Variants in AXIN2 observed in about 807,000 individuals in gnomAD.
AXIN2 encodes axin 2, also known as axin-2.
AXIN2 carries 21 observed loss-of-function variants against 74.7 expected under a neutral mutation model. That is an observed-to-expected ratio of 0.28 (90% confidence interval 0.20 to 0.40). The LOEUF (loss-of-function observed/expected upper bound fraction) is 0.40. AXIN2 is among the 10% of genes least tolerant of loss of function. The pLI is 1.00. For missense variants in AXIN2, 1,144 were observed against 1,111.1 expected (o/e 1.03, Z -0.42); for synonymous variants, 532 against 454.9 (o/e 1.17, Z -2.16).
Position 65,530,008 on chromosome 17 carries a change from G to T in AXIN2, c.2500C>A (p.Arg834=), listed in dbSNP as rs878854728. The T allele has an allele frequency of 6.2e-7, 1 of 1,614,128 alleles. No homozygotes were observed. Among genetic ancestry groups the T allele is most frequent in the Non-Finnish European group, 8.5e-7 (1 of 1,180,034 alleles). Residue 834 remains arginine, a synonymous_variant, in exon 11 of 11, where the codon CGG becomes AGG. Transcript: ENST00000307078. Reference sequence around the variant, plus strand: ...ATCCGCTCCACTTTGCCCAGAATCCGGCCTTCATACATCGGGAGCACCGTC... The same window carrying T: ...ATCCGCTCCACTTTGCCCAGAATCCTGCCTTCATACATCGGGAGCACCGTC... ...DETVLPMYEG[R]ILGKVERID is the part of the protein sequence containing the mutation.
chr17:65,542,009 A>G (rs941747222), intron 3 of AXIN2, among the ~76,000 whole-genome samples: 14 of 152,234 alleles, frequency 9.2e-5, no homozygotes, highest in Admixed American at 3.9e-4. Flanking sequence ...AGTTGTAGGG[A>G]TAAGAACCAA....
chr17:65,552,130 A>G (rs2044202517), intron 2 of AXIN2, among the ~76,000 whole-genome samples: 1 of 152,176 alleles, frequency 6.6e-6, no homozygotes, highest in Non-Finnish European at 1.5e-5. Context: ...CCCAACACCA[A>G]GGGCAGAGAG....
rs756419208 is a variant in AXIN2, at chr17:65,536,454, G to A, written c.2007C>T (p.His669=). The change falls in exon 8 of 11, where the codon CAC becomes CAT. Residue 669 remains histidine, a synonymous_variant. Transcript: ENST00000307078. ...RHHLWGGNSG[H]PRTTPRAHLF... ...GGTGGGCACGGGGGGTGGTGCGGGG[G>A]TGCCCGCTGTTGCCCCCCCACAGAT... is the stretch of plus-strand genomic sequence containing the variant. The A allele has an allele frequency of 1.2e-6, 2 of 1,613,682 alleles. No individual in the cohort carries two copies. The highest frequency in any genetic ancestry group is 4.5e-5 in the East Asian group (2 of 44,870).
At chr17:65,534,796 G>A (rs2043880339) in intron 9 of AXIN2, among the ~76,000 whole-genome samples, 1 of 152,150 alleles carries the variant, frequency 6.6e-6, no homozygotes, top group South Asian at 2.1e-4. Context: ...TGGGTGTGGT[G>A]GTGGGCGCCT....
At position 65,558,455 on chromosome 17, in the gene AXIN2, T is replaced by G. The variant is rs1431601772; in HGVS notation, c.166A>C (p.Arg56=). The change falls in exon 2 of 11, where the codon AGG becomes CGG. Residue 56 remains arginine, a synonymous_variant. Coordinates refer to ENST00000307078, the MANE Select transcript of AXIN2 (RefSeq NM_004655.4). ...TKPMPVSSNT[R]RNEDGLGEPE... ...TCCCCCAACCCATCTTCGTTCCGCC[T>G]GGTGTTGGAAGAGACAGGCATGGGT... is the stretch of plus-strand genomic sequence containing the variant. 1.2e-6 allele frequency: 2 copies of G among 1,601,276 alleles called. No individual in the cohort carries two copies. The highest frequency in any genetic ancestry group is 1.7e-6 in the Non-Finnish European group (2 of 1,171,860).
chr17:65,538,185 A>G lies in AXIN2; in HGVS notation c.1200+18T>C, dbSNP rs117258157. The G allele has an allele frequency of 2.5e-6, 4 of 1,614,110 alleles. No homozygotes were observed. The highest frequency in any genetic ancestry group is 3.4e-6 in the Non-Finnish European group (4 of 1,180,036). On this transcript the variant is annotated intron_variant, in intron 5 of 10. Coordinates refer to ENST00000307078, the MANE Select transcript of AXIN2 (RefSeq NM_004655.4). ...CACGCCGTGGACGGAAGCAGGAAGA[A>G]GGCCTAGGCCGCATTACCTCTCGGA...
chr17:65,531,749 A>ATGTTT, intron 10 of AXIN2, among the ~76,000 whole-genome samples: 1 of 152,070 alleles, frequency 6.6e-6, no homozygotes, highest in South Asian at 2.1e-4. Flanking sequence ...AGGCTTTTCC[A>ATGTTT]CTGCAACATG....
In AXIN2 at chr17:65,533,923, C is replaced by T. The variant is rs878854726; in HGVS notation, c.2394G>A (p.Lys798=). 3.7e-6 allele frequency: 6 copies of T among 1,613,944 alleles called. No individual in the cohort carries two copies. The highest frequency in any genetic ancestry group is 5.1e-6 in the Non-Finnish European group (6 of 1,179,968). Residue 798 remains lysine, a synonymous_variant, in exon 10 of 11, where the codon AAG becomes AAA. Transcript: ENST00000307078. ...CACAGGACTCTTACCTATAATTTCC[C>T]TTTTTGCTGAGCTGCTCTTTAAAGT... ...LGHFKEQLSK[K]GNYRYYFKKA... is the part of the protein sequence containing the mutation.
Position 65,537,375 on chromosome 17 carries a change from T to G in AXIN2, c.1661A>C (p.Lys554Thr). The G allele has an allele frequency of 1.2e-6, 2 of 1,614,068 alleles. No individual in the cohort carries two copies. Among genetic ancestry groups the G allele is most frequent in the Non-Finnish European group, 1.7e-6 (2 of 1,180,018 alleles). ...PGGSEYYCYS[K>T]CKSHSKAPET... Reference sequence around the variant, plus strand: ...CGGAGCCTTGGAGTGGCTTTTGCATTTCGAGTAGCAGTAATACTCGCTGCC... The same window carrying G: ...CGGAGCCTTGGAGTGGCTTTTGCATGTCGAGTAGCAGTAATACTCGCTGCC... The change falls in exon 6 of 11, where the codon AAA becomes ACA. Residue 554 changes from lysine to threonine, a missense_variant. By Grantham distance (78) the Lys-to-Thr change is moderately conservative (BLOSUM62 -1). Transcript: ENST00000307078.
chr17:65,551,858 A>T (rs1350484064), intron 2 of AXIN2, among the ~76,000 whole-genome samples: 1 of 152,192 alleles, frequency 6.6e-6, no homozygotes, highest in Admixed American at 6.5e-5. Context: ...ATCCTGTCCG[A>T]CTGCATCAAG....
chr17:65,551,710 G>A (rs1450523426), intron 2 of AXIN2, among the ~76,000 whole-genome samples: 1 of 152,130 alleles, frequency 6.6e-6, no homozygotes, highest in Middle Eastern at 3.2e-3. Flanking sequence ...CACACAAAAA[G>A]TTACAGGGCC....
At chr17:65,540,798 G>C (rs933978604) in intron 4 of AXIN2, among the ~76,000 whole-genome samples, 3 of 152,126 alleles carry the variant, frequency 2.0e-5, no homozygotes, top group Non-Finnish European at 4.4e-5. Context: ...ATGATTGAAA[G>C]CTCCCTGAGA....
intron 3 of AXIN2, among the ~76,000 whole-genome samples, chr17:65,546,255 G>A (rs2044117026): frequency 1.3e-5 from 2 of 152,206 alleles, no homozygotes; most frequent in South Asian, 4.1e-4. Context: ...TTCCCGGGAT[G>A]AACAATGGGC....
intron 2 of AXIN2, among the ~76,000 whole-genome samples, chr17:65,556,578 T>C (rs1176704806): frequency 6.6e-6 from 1 of 152,118 alleles, no homozygotes; most frequent in Non-Finnish European, 1.5e-5. Flanking sequence ...GCGCGCCCCC[T>C]GGTGGTTGGA....
At chr17:65,554,781 ACAAGGGCCCGTG>A (rs911213310) in intron 2 of AXIN2, among the ~76,000 whole-genome samples, 1 of 152,194 alleles carries the variant, frequency 6.6e-6, no homozygotes, top group African/African-American at 2.4e-5. Flanking sequence ...GGCAGGACAC[ACAAGGGCCCGTG>A]CAGAAAGGCG....
intron 10 of AXIN2, among the ~76,000 whole-genome samples, chr17:65,532,691 G>A (rs1015137269): frequency 6.6e-6 from 1 of 152,208 alleles, no homozygotes; most frequent in Non-Finnish European, 1.5e-5. Context: ...CCCTGCAGGT[G>A]GACTCATCCC....
rs993210286 is a variant in AXIN2 at position 65,535,895 on chromosome 17, C to T, written c.2142-174G>A. ...ACAGTGGCTGAAGAGGCCAGGAAGA[C>T]GTCTTGGAACAGCCATTCTAAGCCC... On this transcript the variant is annotated intron_variant, in intron 8 of 10. Coordinates refer to ENST00000307078, the MANE Select transcript of AXIN2 (RefSeq NM_004655.4). Among the ~76,000 whole-genome samples, 50 of 152,274 alleles carry T rather than the reference C, an allele frequency of 3.3e-4. 1 individual carries two copies. The highest frequency in any genetic ancestry group is 2.9e-3 in the Admixed American group (44 of 15,302).
chr17:65,554,648 C>T (rs1033436299), intron 2 of AXIN2, among the ~76,000 whole-genome samples: 2 of 152,190 alleles, frequency 1.3e-5, no homozygotes, highest in South Asian at 2.1e-4. Context: ...GCCTCATCAG[C>T]GAGTTCTTTC....
At position 65,537,782 on chromosome 17, in the gene AXIN2, G is replaced by T; in HGVS notation, c.1254C>A (p.Pro418=). ...ELTLNSREGA[P]TQHPLSLLPS... ...GCAGTAGGGAGAGGGGGTGCTGCGT[G>T]GGCGCCCCCTCCCGCGAATTGAGTG... is the stretch of plus-strand genomic sequence containing the variant. Residue 418 remains proline, a synonymous_variant, in exon 6 of 11, where the codon CCC becomes CCA. Coordinates refer to ENST00000307078, the MANE Select transcript of AXIN2 (RefSeq NM_004655.4). 6.3e-7 allele frequency: 1 copy of T among 1,588,292 alleles called. No individual in the cohort carries two copies. Among genetic ancestry groups the T allele is most frequent in the Non-Finnish European group, 8.6e-7 (1 of 1,167,310 alleles).
Sources: allele counts gnomAD v4.1 joint callset (sites outside exome capture counted in the v4.1 genomes callset), GRCh38; gene constraint gnomAD v4.1.1; transcripts MANE v1.5; gene names NCBI Gene and HGNC (gene_info 2026-07-23, HGNC 2026-07-21).